The following PLCXD3 variants were observed in gnomAD, a reference collection of about 807,000 sequenced individuals.
PLCXD3 encodes PI-PLC X domain-containing protein 3.
Under a neutral mutation model 25.5 loss-of-function variants are expected in PLCXD3, and 19 were observed. That is an observed-to-expected ratio of 0.75 (90% CI 0.52 to 1.09). The LOEUF (loss-of-function observed/expected upper bound fraction) is 1.09. Ranked by LOEUF, PLCXD3 falls within the 50% of genes least tolerant of loss-of-function variation. The pLI is 0.00. For missense variants in PLCXD3, 411 were observed against 388.1 expected (o/e 1.06, Z -0.50); for synonymous variants, 174 against 137.6 (o/e 1.26, Z -1.85).
intron 1 of PLCXD3, among the ~76,000 whole-genome samples, chr5:41,384,878 T>C (rs1456873991): frequency 2.0e-5 from 3 of 152,084 alleles, no homozygotes; most frequent in Admixed American, 6.6e-5. Context: ...AGTATGTGTT[T>C]TGAGCCACAT....
chr5:41,413,005 A>T (rs75355008), intron 1 of PLCXD3, among the ~76,000 whole-genome samples: 6,600 of 152,310 alleles, frequency 0.043, 184 homozygotes, highest in Non-Finnish European at 0.061. Flanking sequence ...TAACGACATG[A>T]CAACCAGTAA....
chr5:41,356,821 T>C (rs1744632647), intron 2 of PLCXD3, among the ~76,000 whole-genome samples: 1 of 152,174 alleles, frequency 6.6e-6, no homozygotes, highest in Non-Finnish European at 1.5e-5. Context: ...TCTCACTGGG[T>C]CATCCCTCCT....
rs1743199790 is a variant in PLCXD3 at position 41,313,496 on chromosome 5, A to G, written c.*121T>C. On this transcript the variant is annotated 3_prime_UTR_variant, in exon 3 of 3. Coordinates refer to ENST00000377801, the MANE Select transcript of PLCXD3 (RefSeq NM_001005473.3). ...AACAGTTTTTCCCCTTTTCCCACCC[A>G]CTACCAGCCCTATTCCCTTCAGAGA... 8.7e-7 allele frequency: 1 copy of G among 1,154,386 alleles called. No individual in the cohort carries two copies. The highest frequency in any genetic ancestry group is 1.6e-5 in the African/African-American group (1 of 62,710). The allele number at this position is 1,154,386 out of a possible 1,614,324, so 71.5% of individuals were successfully genotyped here.
In PLCXD3 at chr5:41,469,048, C is replaced by T. The variant is rs1028636923; in HGVS notation, c.103+41376G>A. ...TGGCCTAACGGTGTTGAGGTGCATT[C>T]CCTTTATAGCTAATCTGCTGAGAGG... On this transcript the variant is annotated intron_variant, in intron 1 of 2. Transcript: ENST00000377801. 2.0e-5 allele frequency among the ~76,000 whole-genome samples: 3 copies of T among 152,196 alleles called. No individual in the cohort carries two copies. In the East Asian group the frequency reaches 5.8e-4, roughly 29 times the overall value.
At chr5:41,465,374 T>TTTTTTTTTTTTTTTTTTTC (rs1747993522) in intron 1 of PLCXD3, among the ~76,000 whole-genome samples, 1 of 141,660 alleles carries the variant, frequency 7.1e-6, no homozygotes, top group Non-Finnish European at 1.5e-5. Context: ...TTTTTTTTTT[T>TTTTTTTTTTTTTTTTTTTC]TTTTTTTTTT....
chr5:41,466,840 G>A (rs377425633), intron 1 of PLCXD3, among the ~76,000 whole-genome samples: 42 of 152,094 alleles, frequency 2.8e-4, no homozygotes, highest in African/African-American at 1.0e-3. Context: ...GTTTCACTTA[G>A]CATTATATCC....
At chr5:41,414,329 A>G (rs1304453020) in intron 1 of PLCXD3, among the ~76,000 whole-genome samples, 1 of 151,916 alleles carries the variant, frequency 6.6e-6, no homozygotes, top group Non-Finnish European at 1.5e-5. Context: ...CCGCCTCACC[A>G]GTAGCTGGGA....
chr5:41,422,014 A>G (rs900736272), intron 1 of PLCXD3, among the ~76,000 whole-genome samples: 1 of 152,204 alleles, frequency 6.6e-6, no homozygotes, highest in Non-Finnish European at 1.5e-5. Flanking sequence ...TTGCTAATGC[A>G]TAGGAAGATA....
chr5:41,324,628 G>A (rs1292593257), intron 2 of PLCXD3, among the ~76,000 whole-genome samples: 1 of 152,176 alleles, frequency 6.6e-6, no homozygotes, highest in Non-Finnish European at 1.5e-5. Flanking sequence ...GTGTATTCAA[G>A]TTCATTAGAA....
At position 41,321,103 on chromosome 5, in the gene PLCXD3, A is replaced by G. The variant is rs141547669; in HGVS notation, c.813-7333T>C. On this transcript the variant is annotated intron_variant, in intron 2 of 2. Transcript: ENST00000377801. The stretch of plus-strand genomic sequence containing the variant: ...AGTACTGGAATTTCTAGCTAGACCA[A>G]TCAGACCAGAGAAAGACACAAAATG... Among the ~76,000 whole-genome samples the G allele has an allele frequency of 6.9e-4, 105 of 152,344 alleles. 3 individuals are homozygous for G. The highest frequency in any genetic ancestry group is 2.3e-3 in the African/African-American group (94 of 41,588).
intron 2 of PLCXD3, among the ~76,000 whole-genome samples, chr5:41,340,194 TA>T (rs1020566952): frequency 3.9e-5 from 6 of 152,292 alleles, no homozygotes; most frequent in Admixed American, 3.9e-4. Flanking sequence ...GGGAATGAGG[TA>T]ACCAGCATTC....
chr5:41,476,970 G>C (rs1046962153), intron 1 of PLCXD3, among the ~76,000 whole-genome samples: 1 of 152,154 alleles, frequency 6.6e-6, no homozygotes, highest in African/African-American at 2.4e-5. Context: ...AGTTTCCATA[G>C]ATAGTCATGT....
chr5:41,407,559 A>G (rs778990295), intron 1 of PLCXD3, among the ~76,000 whole-genome samples: 7 of 152,180 alleles, frequency 4.6e-5, no homozygotes, highest in Admixed American at 3.3e-4. Context: ...TTTTGCCTCA[A>G]TCTTCCAGCT....
At chr5:41,446,915 T>C (rs1172609794) in intron 1 of PLCXD3, among the ~76,000 whole-genome samples, 3 of 152,262 alleles carry the variant, frequency 2.0e-5, no homozygotes, top group Non-Finnish European at 4.4e-5. Context: ...AAATTAACTA[T>C]ATAATTGCTT....
chr5:41,454,568 T>C (rs906885963), intron 1 of PLCXD3, among the ~76,000 whole-genome samples: 2 of 151,730 alleles, frequency 1.3e-5, no homozygotes, highest in African/African-American at 4.8e-5. Context: ...TGGTGATGAG[T>C]TTTAACGTGA....
At chr5:41,472,322 G>A (rs1428034025) in intron 1 of PLCXD3, among the ~76,000 whole-genome samples, 1 of 152,080 alleles carries the variant, frequency 6.6e-6, no homozygotes, top group South Asian at 2.1e-4. Flanking sequence ...TGCCTTGACT[G>A]GTTTCTGGAC....
chr5:41,346,785 C>T (rs1744314072), intron 2 of PLCXD3, among the ~76,000 whole-genome samples: 1 of 152,144 alleles, frequency 6.6e-6, no homozygotes, highest in Non-Finnish European at 1.5e-5. Flanking sequence ...TTTCACTTAT[C>T]AATGTGCATT....
chr5:41,501,277 C>T (rs963929840), intron 1 of PLCXD3, among the ~76,000 whole-genome samples: 1 of 151,858 alleles, frequency 6.6e-6, no homozygotes, highest in Admixed American at 6.6e-5. Flanking sequence ...GCTTCAGTAT[C>T]GTTCACAATC....
At chr5:41,447,587 C>A (rs542368144) in intron 1 of PLCXD3, among the ~76,000 whole-genome samples, 1 of 152,166 alleles carries the variant, frequency 6.6e-6, no homozygotes, top group Non-Finnish European at 1.5e-5. Context: ...GGAGTACAGG[C>A]ACCTTGAATA....
Sources: allele counts gnomAD v4.1 joint callset (sites outside exome capture counted in the v4.1 genomes callset), GRCh38; gene constraint gnomAD v4.1.1; transcripts MANE v1.5; gene names NCBI Gene and HGNC (gene_info 2026-07-23, HGNC 2026-07-21).